The following PCDHGA1 variants were observed in gnomAD, a reference collection of about 807,000 sequenced individuals.
The protein encoded by PCDHGA1 is protocadherin gamma-A1.
PCDHGA1 carries 32 observed loss-of-function variants against 58.0 expected under a neutral mutation model. The ratio of observed to expected loss-of-function variants is 0.55; its 90% CI spans 0.42 to 0.74. The LOEUF (loss-of-function observed/expected upper bound fraction) is 0.74. Ranked by LOEUF, PCDHGA1 falls within the 30% of genes least tolerant of loss-of-function variation. The pLI, the probability that PCDHGA1 is intolerant of heterozygous loss-of-function variation, is 0.00. For missense variants in PCDHGA1, 1,205 were observed against 1,182.3 expected (o/e 1.02, Z -0.28); for synonymous variants, 498 against 501.1 (o/e 0.99, Z 0.08).
rs1425911042 is a variant in PCDHGA1 at position 141,331,220 on chromosome 5, C to T, written c.536C>T (p.Ser179Phe). ...SYQLSSNPHF[S>F]LDVQQGADGP... ...CAACTCAGCTCTAACCCTCATTTCT[C>T]CCTGGATGTGCAACAGGGAGCCGAT... Residue 179 changes from serine (S) to phenylalanine (F), a missense_variant, in exon 1 of 4, where the codon TCC (serine) becomes TTC (phenylalanine). Coordinates refer to ENST00000517417, the MANE Select transcript of PCDHGA1 (RefSeq NM_018912.3). 1 of 1,614,120 alleles carries T rather than the reference C, an allele frequency of 6.2e-7. No homozygotes were observed. Among genetic ancestry groups the T allele is most frequent in the Admixed American group, 1.7e-5 (1 of 60,032 alleles).
chr5:141,360,582 TACA>T (rs1223956986), intron 1 of PCDHGA1: 9 of 1,613,976 alleles, frequency 5.6e-6, no homozygotes, highest in African/African-American at 1.3e-5. Context: ...CTAAGCCAGG[TACA>T]ACATTTCCAC....
chr5:141,349,874 G>A (rs1758365070), intron 1 of PCDHGA1, among the ~76,000 whole-genome samples: 1 of 151,948 alleles, frequency 6.6e-6, no homozygotes, highest in South Asian at 2.1e-4. Flanking sequence ...AAATGATGAA[G>A]GCCCTTATCT....
chr5:141,393,526 A>G, intron 1 of PCDHGA1: 3 of 1,613,974 alleles, frequency 1.9e-6, no homozygotes, highest in East Asian at 2.2e-5. Context: ...ACAAATGACA[A>G]TGCCCCGGTT....
At chr5:141,365,854 C>T (rs570866859) in intron 1 of PCDHGA1, 1 of 1,614,060 alleles carries the variant, frequency 6.2e-7, no homozygotes, top group Non-Finnish European at 8.5e-7. Flanking sequence ...TATCCATTAA[C>T]TCTGACACCG....
chr5:141,434,261 G>A (rs1269166732), intron 1 of PCDHGA1, among the ~76,000 whole-genome samples: 2 of 152,194 alleles, frequency 1.3e-5, no homozygotes. Context: ...TTGTGGGGGA[G>A]GTGGAAATTA....
At chr5:141,362,916 A>G (rs17097238) in intron 1 of PCDHGA1, among the ~76,000 whole-genome samples, 21,522 of 152,218 alleles carry the variant, frequency 0.14, 2,117 homozygotes, top group African/African-American at 0.29. Context: ...ATAATACTTC[A>G]GAGTAAAGAG....
At chr5:141,362,157 C>T (rs1762354661) in intron 1 of PCDHGA1, 4 of 1,614,036 alleles carry the variant, frequency 2.5e-6, no homozygotes, top group Non-Finnish European at 3.4e-6. Context: ...TATTGCCAGA[C>T]CTCAGCGACC....
intron 1 of PCDHGA1, chr5:141,344,055 C>T (rs771975299): frequency 5.8e-6 from 9 of 1,558,224 alleles, no homozygotes; most frequent in African/African-American, 1.4e-5. Flanking sequence ...CCTGAGTTTC[C>T]GAAATGGCAG....
rs2099811015 is a variant in PCDHGA1 at position 141,501,774 on chromosome 5, G to GTC, written c.2481-3612_2481-3611dup. ...CTCTCAGTAAATGGTTAAAAAAGAG[G>GTC]TCTCTCTCCCTCTGCTCATCTCTTA... is the stretch of plus-strand genomic sequence containing the variant. On this transcript the variant is annotated intron_variant, in intron 2 of 3. Coordinates refer to ENST00000517417, the MANE Select transcript of PCDHGA1 (RefSeq NM_018912.3). Among the ~76,000 whole-genome samples, 3 of 152,062 alleles carry GTC rather than the reference G, an allele frequency of 2.0e-5. No homozygotes were observed. In the South Asian group the frequency reaches 6.2e-4, roughly 32 times the overall value.
At chr5:141,346,870 C>A (rs1385429638) in intron 1 of PCDHGA1, among the ~76,000 whole-genome samples, 3 of 152,206 alleles carry the variant, frequency 2.0e-5, no homozygotes, top group Non-Finnish European at 4.4e-5. Flanking sequence ...TGGAGTTTGT[C>A]ATTCCAACCT....
At chr5:141,441,818 TG>T in intron 1 of PCDHGA1, 1 of 359,922 alleles carries the variant, frequency 2.8e-6, no homozygotes, top group Non-Finnish European at 5.5e-6. Flanking sequence ...ACCCCAGCTC[TG>T]GAGCGCAATG....
chr5:141,450,815 ATAT>A (rs1420984335), intron 1 of PCDHGA1, among the ~76,000 whole-genome samples: 6 of 126,742 alleles, frequency 4.7e-5, no homozygotes, highest in South Asian at 2.4e-4. Flanking sequence ...TATTTATTTA[ATAT>A]TATTATTATT....
At chr5:141,503,387 G>A (rs975079596) in intron 2 of PCDHGA1, among the ~76,000 whole-genome samples, 24 of 152,068 alleles carry the variant, frequency 1.6e-4, no homozygotes, top group Middle Eastern at 3.4e-3. Flanking sequence ...ATGAGGTCAG[G>A]AGTTCGAAAC....
intron 1 of PCDHGA1, chr5:141,365,548 A>G: frequency 6.2e-7 from 1 of 1,613,806 alleles, no homozygotes; most frequent in Non-Finnish European, 8.5e-7. Flanking sequence ...ACCTATTAAC[A>G]ACTAGGGACC....
chr5:141,491,434 A>G lies in PCDHGA1; in HGVS notation c.2422-3373A>G, dbSNP rs1362196179. The G allele has an allele frequency of 6.2e-7, 1 of 1,614,032 alleles. No individual in the cohort carries two copies. ...GGACGGGGGTGGAGGGCAGTGCTGC[A>G]GGCGCCAGGACTCACCCTCCCCGGA... On this transcript the variant is annotated intron_variant, in intron 1 of 3. Coordinates refer to ENST00000517417, the MANE Select transcript of PCDHGA1 (RefSeq NM_018912.3). The surrounding 1 kb of genome is among the most constrained non-coding windows in gnomAD (Gnocchi z 6.9).
Position 141,489,629 on chromosome 5 carries a change from C to T in PCDHGA1, c.2422-5178C>T. Reference sequence around the variant, plus strand: ...GAGATCCTGGATCTCAATGACAACTCTCCTAGCTTTGCCACCCCTGAGCGA... The same window carrying T: ...GAGATCCTGGATCTCAATGACAACTTTCCTAGCTTTGCCACCCCTGAGCGA... On this transcript the variant is annotated intron_variant, in intron 1 of 3. Transcript: ENST00000517417. This position sits in a 1 kb window ranked among gnomAD's most constrained non-coding sequence, Gnocchi z 4.5. 6.2e-7 allele frequency: 1 copy of T among 1,614,142 alleles called. No homozygotes were observed. The highest frequency in any genetic ancestry group is 1.7e-5 in the Admixed American group (1 of 60,032).
chr5:141,350,294 A>T, intron 1 of PCDHGA1: 2 of 1,510,364 alleles, frequency 1.3e-6, no homozygotes, highest in South Asian at 2.8e-5. Flanking sequence ...AATGATGAAA[A>T]GTCAGGTACT....
chr5:141,355,044 C>A, intron 1 of PCDHGA1: 1 of 1,132,086 alleles, frequency 8.8e-7, no homozygotes, highest in Non-Finnish European at 1.2e-6. Flanking sequence ...TTCTGCAGCA[C>A]AAAGCACTGG....
chr5:141,435,591 T>G (rs1197622032), intron 1 of PCDHGA1, among the ~76,000 whole-genome samples: 1 of 152,206 alleles, frequency 6.6e-6, no homozygotes, highest in Admixed American at 6.5e-5. Flanking sequence ...TGCAGTAATA[T>G]CGCCTGCTTT....
Sources: gnomAD v4.1 joint callset for allele counts (sites outside exome capture counted in the v4.1 genomes callset) on GRCh38, gnomAD v4.1.1 for gene constraint, Gnocchi (gnomAD v3.1) non-coding constraint, MANE v1.5 for transcripts, NCBI Gene and HGNC (gene_info 2026-07-23, HGNC 2026-07-21) for gene names.